CCDC7: variants seen among roughly 807,000 people sequenced by gnomAD.
The protein encoded by CCDC7 is coiled-coil domain-containing protein 7.
Under a neutral mutation model 196.9 loss-of-function variants are expected in CCDC7, and 183 were observed. That is an observed-to-expected ratio of 0.93 (90% confidence interval 0.82 to 1.05). The LOEUF (loss-of-function observed/expected upper bound fraction) is 1.05. CCDC7 is among the 50% of genes least tolerant of loss of function. The pLI is 0.00. For synonymous variants in CCDC7, 525 were observed against 484.6 expected (o/e 1.08, Z -1.10); for missense variants, 1,540 against 1,482.2 (o/e 1.04, Z -0.64).
chr10:32,848,627 C>T lies in CCDC7; in HGVS notation c.3804C>T (p.Ser1268=), dbSNP rs148971649. The change falls in exon 39 of 42, where the codon TCC becomes TCT. Residue 1268 remains serine, a synonymous_variant. Coordinates refer to ENST00000639629, the Ensembl canonical transcript of CCDC7. ...ACTTATTTAAAAACAAAGATATGTC[C>T]GTACAACGTCAAGAAGGTATCTTTA... 4.1e-3 allele frequency: 6,199 copies of T among 1,508,338 alleles called. 26 individuals are homozygous for T. The highest frequency in any genetic ancestry group is 8.5e-3 in the Middle Eastern group (50 of 5,884). 93.4% of individuals were successfully genotyped at this position (1,508,338 alleles called of 1,614,324 possible). A position where few individuals can be genotyped will look rare whatever the true frequency, so the allele number is the denominator to read the frequency against.
At chr10:32,724,188 CT>C (rs2082789986) in intron 25 of CCDC7, among the ~76,000 whole-genome samples, 1 of 152,114 alleles carries the variant, frequency 6.6e-6, no homozygotes, top group Non-Finnish European at 1.5e-5. Flanking sequence ...ATTGTCATGG[CT>C]GGTGAAGTGC....
intron 13 of CCDC7, among the ~76,000 whole-genome samples, chr10:32,563,744 G>A (rs541916099): frequency 1.1e-4 from 16 of 152,186 alleles, no homozygotes; most frequent in African/African-American, 3.4e-4. Flanking sequence ...GCATGGGCAC[G>A]GACTTCATGT....
At chr10:32,537,412 C>T in intron 11 of CCDC7, among the ~76,000 whole-genome samples, 1 of 152,080 alleles carries the variant, frequency 6.6e-6, no homozygotes, top group East Asian at 1.9e-4. Flanking sequence ...TTGTCAGATG[C>T]ATAGTTTACA....
chr10:32,444,170 T>C (rs1055148826), upstream of CCDC7, among the ~76,000 whole-genome samples: 3 of 152,180 alleles, frequency 2.0e-5, no homozygotes, highest in East Asian at 5.8e-4. Context: ...CTCCTTCCAA[T>C]CTTAAGGAAA....
At chr10:32,700,952 T>G (rs1261361692) in intron 24 of CCDC7, among the ~76,000 whole-genome samples, 1 of 152,212 alleles carries the variant, frequency 6.6e-6, no homozygotes, top group Non-Finnish European at 1.5e-5. Flanking sequence ...AAGGAGATTT[T>G]GGGCTGAGAC....
At chr10:32,519,822 A>T (rs1271555340) in intron 11 of CCDC7, among the ~76,000 whole-genome samples, 1 of 151,950 alleles carries the variant, frequency 6.6e-6, no homozygotes, top group Non-Finnish European at 1.5e-5. Context: ...AGTCTTATTC[A>T]TTCTTTCCAA....
At chr10:32,611,866 T>A (rs2062184329) in intron 18 of CCDC7, among the ~76,000 whole-genome samples, 1 of 152,240 alleles carries the variant, frequency 6.6e-6, no homozygotes, top group Non-Finnish European at 1.5e-5. Context: ...TGCCTCTAGC[T>A]CTGATCTTTT....
chr10:32,627,022 T>C (rs979644923), intron 18 of CCDC7, among the ~76,000 whole-genome samples: 1 of 106,474 alleles, frequency 9.4e-6, no homozygotes, highest in African/African-American at 3.2e-5. Flanking sequence ...CATGATTGCC[T>C]TGGCTATTCA....
downstream of CCDC7, among the ~76,000 whole-genome samples, chr10:32,877,582 T>C (rs948593113): frequency 2.6e-5 from 4 of 152,158 alleles, no homozygotes; most frequent in Admixed American, 1.3e-4. Flanking sequence ...CCCTATGAAC[T>C]ACCTGGATAA....
chr10:32,778,737 G>A (rs1380400667), intron 28 of CCDC7, among the ~76,000 whole-genome samples: 2 of 152,142 alleles, frequency 1.3e-5, no homozygotes, highest in Non-Finnish European at 2.9e-5. Context: ...TAGTTTGATA[G>A]GACTCCACTG....
chr10:32,719,577 A>C (rs2082102004), intron 25 of CCDC7, among the ~76,000 whole-genome samples: 1 of 152,246 alleles, frequency 6.6e-6, no homozygotes, highest in African/African-American at 2.4e-5. Context: ...ATCAGCATGA[A>C]CAGGCAACCT....
At chr10:32,521,694 T>C (rs1273369171) in intron 11 of CCDC7, among the ~76,000 whole-genome samples, 1 of 152,102 alleles carries the variant, frequency 6.6e-6, no homozygotes, top group African/African-American at 2.4e-5. Flanking sequence ...CCTTTATTTC[T>C]TTCTCTTATC....
At chr10:32,633,667 T>C (rs970449117) in intron 18 of CCDC7, among the ~76,000 whole-genome samples, 4 of 148,270 alleles carry the variant, frequency 2.7e-5, no homozygotes, top group African/African-American at 9.8e-5. Context: ...TCTAATTCTA[T>C]TGATTTAGCT....
rs34677799 is a variant in CCDC7 at position 32,849,701 on chromosome 10, CAAA to C, written c.3895+1000_3895+1002del. ...ATGGCGAAAGAGCAAGACTCCGTCT[CAAA>C]AAAAAAAAAAAAAAAAGAAAAGAAA... On this transcript the variant is annotated intron_variant, in intron 39 of 41. Coordinates refer to ENST00000639629, the Ensembl canonical transcript of CCDC7. 7.4e-5 allele frequency among the ~76,000 whole-genome samples: 6 copies of C among 80,808 alleles called. No individual in the cohort carries two copies. In the South Asian group the frequency reaches 1.3e-3, roughly 18 times the overall value. The allele number at this position is 80,808 out of a possible 152,430, so 53.0% of individuals were successfully genotyped here.
At chr10:32,742,906 G>A (rs1212293330) in intron 28 of CCDC7, among the ~76,000 whole-genome samples, 2 of 152,164 alleles carry the variant, frequency 1.3e-5, no homozygotes, top group African/African-American at 2.4e-5. Context: ...GACATATAAA[G>A]TTGAGAGATA....
chr10:32,825,392 G>A (rs1377672505), intron 32 of CCDC7, among the ~76,000 whole-genome samples: 2 of 152,180 alleles, frequency 1.3e-5, no homozygotes, highest in African/African-American at 2.4e-5. Flanking sequence ...AGCATGGCTA[G>A]AATATAAAGC....
At chr10:32,742,912 A>G (rs2184680) in intron 28 of CCDC7, among the ~76,000 whole-genome samples, 140,444 of 152,238 alleles carry the variant, frequency 0.92, 65,795 homozygotes, top group East Asian at 1. Flanking sequence ...TAAAGTTGAG[A>G]GATAAAATTC....
chr10:32,739,729 A>G (rs2085492709), intron 28 of CCDC7, among the ~76,000 whole-genome samples: 1 of 152,006 alleles, frequency 6.6e-6, no homozygotes, highest in Non-Finnish European at 1.5e-5. Context: ...TGTATTGGAC[A>G]ATAGGAACTG....
intron 28 of CCDC7, among the ~76,000 whole-genome samples, chr10:32,754,302 C>T (rs1312076080): frequency 6.6e-6 from 1 of 151,870 alleles, no homozygotes; most frequent in Non-Finnish European, 1.5e-5. Context: ...GAAAAGAGCA[C>T]AAAAATAATA....
Sources: gnomAD v4.1 joint callset for allele counts (sites outside exome capture counted in the v4.1 genomes callset) on GRCh38, gnomAD v4.1.1 for gene constraint, MANE v1.5 for transcripts, NCBI Gene and HGNC (gene_info 2026-07-23, HGNC 2026-07-21) for gene names.